Variants in PTPRM observed in about 807,000 individuals in gnomAD.
The protein encoded by PTPRM is receptor-type tyrosine-protein phosphatase mu.
Under a neutral mutation model 186.7 loss-of-function variants are expected in PTPRM, and 47 were observed. The ratio of observed to expected loss-of-function variants is 0.25; its 90% CI spans 0.20 to 0.32. The LOEUF (loss-of-function observed/expected upper bound fraction) is 0.32, where lower values mean the gene tolerates loss of function less well. PTPRM is among the 10% of genes least tolerant of loss of function. The pLI is 1.00. For synonymous variants in PTPRM, 668 were observed against 674.9 expected, an observed-to-expected ratio of 0.99 and a Z score of 0.16; for missense variants, 1,494 against 1,865.0, an observed-to-expected ratio of 0.80 and a Z score of 3.66.
At chr18:7,943,424 C>A (rs2052320853) in intron 5 of PTPRM, among the ~76,000 whole-genome samples, 1 of 152,072 alleles carries the variant, frequency 6.6e-6, no homozygotes, top group Non-Finnish European at 1.5e-5. Flanking sequence ...CCCAACATGA[C>A]CTTAAAGACT....
intron 22 of PTPRM, among the ~76,000 whole-genome samples, chr18:8,321,286 T>A (rs922944950): frequency 2.0e-5 from 3 of 152,196 alleles, no homozygotes; most frequent in African/African-American, 7.2e-5. Context: ...AACATTAAGT[T>A]GCTCTTATTT....
intron 14 of PTPRM, among the ~76,000 whole-genome samples, chr18:8,228,553 C>G (rs900553205): frequency 1.3e-5 from 2 of 151,626 alleles, no homozygotes; most frequent in Non-Finnish European, 2.9e-5. Flanking sequence ...TAGAAAAAAT[C>G]AGAAATAGGC....
At chr18:7,727,010 A>G (rs1490792093) in intron 1 of PTPRM, among the ~76,000 whole-genome samples, 2 of 152,098 alleles carry the variant, frequency 1.3e-5, no homozygotes, top group Admixed American at 6.5e-5. Flanking sequence ...TGGTAAGACA[A>G]ACTTCAATAG....
chr18:7,909,338 C>T (rs184638596), intron 4 of PTPRM, among the ~76,000 whole-genome samples: 1 of 152,278 alleles, frequency 6.6e-6, no homozygotes, highest in Admixed American at 6.5e-5. Context: ...ACCTAATTGG[C>T]TTTGGGAACT....
chr18:7,957,966 T>G (rs1350198160), intron 7 of PTPRM, among the ~76,000 whole-genome samples: 3 of 152,140 alleles, frequency 2.0e-5, no homozygotes, highest in African/African-American at 7.2e-5. Context: ...GTGGAAAACA[T>G]CCTTGGCCAG....
At chr18:8,033,561 T>A (rs2086133965) in intron 7 of PTPRM, among the ~76,000 whole-genome samples, 1 of 152,200 alleles carries the variant, frequency 6.6e-6, no homozygotes, top group African/African-American at 2.4e-5. Flanking sequence ...TACTGAATAC[T>A]GAAGGCAACT....
At chr18:8,320,666 G>A (rs561666960) in intron 22 of PTPRM, among the ~76,000 whole-genome samples, 2 of 152,294 alleles carry the variant, frequency 1.3e-5, no homozygotes, top group East Asian at 1.9e-4. Flanking sequence ...GAGCCACTGT[G>A]GAAACTGATC....
At chr18:7,794,743 G>A (rs1316520984) in intron 2 of PTPRM, among the ~76,000 whole-genome samples, 1 of 152,152 alleles carries the variant, frequency 6.6e-6, no homozygotes, top group African/African-American at 2.4e-5. Context: ...GTTATTGTTT[G>A]AAGTGTTAAT....
At chr18:7,976,509 C>T (rs998091695) in intron 7 of PTPRM, among the ~76,000 whole-genome samples, 4 of 152,160 alleles carry the variant, frequency 2.6e-5, no homozygotes, top group Admixed American at 6.5e-5. Flanking sequence ...TGGGAGGCTA[C>T]GCCTAGGCTT....
chr18:7,865,806 C>T (rs1472910240), intron 2 of PTPRM, among the ~76,000 whole-genome samples: 1 of 152,134 alleles, frequency 6.6e-6, no homozygotes, highest in Non-Finnish European at 1.5e-5. Flanking sequence ...GTGAATCCGT[C>T]TGGTCCTGGA....
At chr18:8,172,226 G>C (rs115166129) in intron 14 of PTPRM, among the ~76,000 whole-genome samples, 1 of 150,338 alleles carries the variant, frequency 6.7e-6, no homozygotes, top group East Asian at 2.0e-4. Context: ...CAAAGATACA[G>C]ATAAAGCACT....
chr18:7,806,862 A>C (rs754040537), intron 2 of PTPRM, among the ~76,000 whole-genome samples: 2 of 152,236 alleles, frequency 1.3e-5, no homozygotes, highest in Non-Finnish European at 2.9e-5. Context: ...GGAAGGGAGA[A>C]CCTATGGGAA....
rs1659493302 is a variant in PTPRM, at chr18:7,830,572, C to T, written c.196+56301C>T. On this transcript the variant is annotated intron_variant, in intron 2 of 32. Coordinates refer to ENST00000580170, the MANE Select transcript of PTPRM (RefSeq NM_001105244.2). ...TGCAGTCTGCTGTTGACAGGAAAGT[C>T]GTTAGGCAGTACATGACTTACCTAT... Among the ~76,000 whole-genome samples, 15 of 152,206 alleles carry T rather than the reference C, an allele frequency of 9.9e-5. 1 individual carries two copies. Among genetic ancestry groups the T allele is most frequent in the Admixed American group, 9.8e-4 (15 of 15,284 alleles).
chr18:7,903,730 AT>A (rs1243132229), intron 3 of PTPRM, among the ~76,000 whole-genome samples: 1 of 152,064 alleles, frequency 6.6e-6, no homozygotes, highest in African/African-American at 2.4e-5. Flanking sequence ...GTTATATGTT[AT>A]TGTAATAGTG....
intron 20 of PTPRM, among the ~76,000 whole-genome samples, chr18:8,310,026 A>G (rs969997849): frequency 6.6e-6 from 1 of 152,098 alleles, no homozygotes; most frequent in Non-Finnish European, 1.5e-5. Context: ...CCTCATTTCC[A>G]TCACCCACCC....
chr18:8,212,475 TAACAATG>T (rs2094019901), intron 14 of PTPRM, among the ~76,000 whole-genome samples: 1 of 152,158 alleles, frequency 6.6e-6, no homozygotes, highest in South Asian at 2.1e-4. Context: ...ATTATGTATG[TAACAATG>T]ACATATTTAC....
At chr18:7,825,553 C>T (rs141536255) in intron 2 of PTPRM, among the ~76,000 whole-genome samples, 1 of 152,066 alleles carries the variant, frequency 6.6e-6, no homozygotes, top group South Asian at 2.1e-4. Flanking sequence ...GGAGAAGACA[C>T]AGGTTTGGAA....
rs574385170 is a variant in PTPRM at position 7,717,855 on chromosome 18, G to A, written c.74-56294G>A. ...ACACAGCAAGTCTTGAGTGAGTGGAGTTTGATCCCGCTGTCACTGAAGTGG... is the reference window on the plus strand; with the variant it reads ...ACACAGCAAGTCTTGAGTGAGTGGAATTTGATCCCGCTGTCACTGAAGTGG... On this transcript the variant is annotated intron_variant, in intron 1 of 32. Transcript: ENST00000580170. Among the ~76,000 whole-genome samples the A allele has an allele frequency of 8.9e-4, 135 of 152,306 alleles. 1 individual carries two copies. The highest frequency in any genetic ancestry group is 3.1e-3 in the African/African-American group (130 of 41,576).
At chr18:7,804,044 A>G (rs1335115891) in intron 2 of PTPRM, among the ~76,000 whole-genome samples, 1 of 152,226 alleles carries the variant, frequency 6.6e-6, no homozygotes, top group African/African-American at 2.4e-5. Flanking sequence ...CTAAACTTAC[A>G]CAAGAGGATT....
Sources: allele counts gnomAD v4.1 joint callset (sites outside exome capture counted in the v4.1 genomes callset), GRCh38; gene constraint gnomAD v4.1.1; transcripts MANE v1.5; gene names NCBI Gene and HGNC (gene_info 2026-07-23, HGNC 2026-07-21).